ENO4: variants seen among roughly 807,000 people sequenced by gnomAD.
ENO4 encodes enolase 4.
A neutral mutation model predicts 63.2 loss-of-function variants in ENO4; 53 were observed. That is an observed-to-expected ratio of 0.84 (90% CI 0.67 to 1.05). ENO4 has a LOEUF of 1.05. Among genes scored for constraint, ENO4 ranks in the 50% least tolerant of loss-of-function variants. The pLI, the probability that ENO4 is intolerant of heterozygous loss-of-function variation, is 0.00. For missense variants in ENO4, 719 were observed against 772.0 expected, an observed-to-expected ratio of 0.93 and a Z score of 0.81; for synonymous variants, 266 against 283.8, an observed-to-expected ratio of 0.94 and a Z score of 0.63.
At chr10:116,874,831 C>A (rs189801210) in intron 10 of ENO4, among the ~76,000 whole-genome samples, 230 of 152,238 alleles carry the variant, frequency 1.5e-3, no homozygotes, top group African/African-American at 5.1e-3. Context: ...CACCACCACA[C>A]CCAGCTAAAT....
chr10:116,865,931 G>A (rs1307456717), intron 7 of ENO4, among the ~76,000 whole-genome samples: 3 of 152,110 alleles, frequency 2.0e-5, no homozygotes, highest in African/African-American at 7.2e-5. Flanking sequence ...CATCCTGAGT[G>A]CTTTAATACT....
chr10:116,892,398 A>G (rs1847365929), intron 10 of ENO4, among the ~76,000 whole-genome samples: 1 of 152,208 alleles, frequency 6.6e-6, no homozygotes, highest in Non-Finnish European at 1.5e-5. Flanking sequence ...TCATTTTCTT[A>G]AGCTTCGTTT....
In ENO4 at chr10:116,868,539, ACG is replaced by A. The variant is rs372074599; in HGVS notation, c.991-110_991-109del. 934 of 857,302 alleles carry A rather than the reference ACG, an allele frequency of 1.1e-3. 5 individuals carry two copies. In the African/African-American group the frequency reaches 0.014, roughly 13 times the overall value. The allele number at this position is 857,302 out of a possible 1,614,324, so 53.1% of individuals were successfully genotyped here. A position where few individuals can be genotyped will look rare whatever the true frequency, so the allele number is the denominator to read the frequency against. On this transcript the variant is annotated intron_variant, in intron 7 of 13. Coordinates refer to ENST00000341276, the MANE Select transcript of ENO4 (RefSeq NM_001242699.2). Reference sequence around the variant, plus strand: ...CGTGTGTGTGCGTGTATGTGTGCACACGTGTGTGAGATTCAGTGTTGCTGGTC... The same window carrying A: ...CGTGTGTGTGCGTGTATGTGTGCACATGTGTGAGATTCAGTGTTGCTGGTC...
chr10:116,888,198 G>A (rs1033637611), intron 10 of ENO4, among the ~76,000 whole-genome samples: 1 of 152,142 alleles, frequency 6.6e-6, no homozygotes. Context: ...GCCTGATTAT[G>A]GCACCATGAC....
At chr10:116,886,793 C>T (rs1015508438), downstream of ENO4, among the ~76,000 whole-genome samples, 4 of 152,168 alleles carry the variant, frequency 2.6e-5, no homozygotes, top group Admixed American at 6.5e-5. Flanking sequence ...AGAGAAAGAG[C>T]GATTAACTAC....
chr10:116,873,999 G>A (rs934647097), intron 9 of ENO4, 77 bp from the exon 10 acceptor site: 17 of 1,430,302 alleles, frequency 1.2e-5, no homozygotes, highest in Admixed American at 2.2e-5. Context: ...GAACGAAAAC[G>A]AATCTGAACC....
At chr10:116,870,174 T>G (rs1202032644) in intron 8 of ENO4, among the ~76,000 whole-genome samples, 2 of 152,198 alleles carry the variant, frequency 1.3e-5, no homozygotes, top group East Asian at 3.9e-4. Context: ...TTGAGTTTGG[T>G]GCACACACAC....
chr10:116,852,375 A>G (rs1283115708), intron 1 of ENO4, among the ~76,000 whole-genome samples: 1 of 152,228 alleles, frequency 6.6e-6, no homozygotes. Context: ...CAATAACAAT[A>G]CAATTTATTC....
In ENO4 at chr10:116,879,045, C is replaced by A. The variant is rs139260132; in HGVS notation, c.1538-246C>A. ...GGAGTGAGCCACCGTGCCCAGCCAT[C>A]ATGTATCTTAATTTTAATGAAACAC... On this transcript the variant is annotated intron_variant, in intron 11 of 13. Coordinates refer to ENST00000341276, the MANE Select transcript of ENO4 (RefSeq NM_001242699.2). 2.5e-4 allele frequency among the ~76,000 whole-genome samples: 38 copies of A among 152,142 alleles called. No individual in the cohort carries two copies. The East Asian group carries it at 7.4e-3, about 29-fold the overall frequency.
chr10:116,887,733 C>T (rs780410405), intron 10 of ENO4, among the ~76,000 whole-genome samples: 1 of 152,194 alleles, frequency 6.6e-6, no homozygotes, highest in Non-Finnish European at 1.5e-5. Flanking sequence ...GAGGCAGGGA[C>T]TGTTTAGCTT....
At chr10:116,863,248 C>T (rs942234620) in intron 7 of ENO4, among the ~76,000 whole-genome samples, 6 of 152,068 alleles carry the variant, frequency 3.9e-5, no homozygotes, top group African/African-American at 7.2e-5. Flanking sequence ...CAGTCACAGA[C>T]GCAGGCGTAT....
intron 10 of ENO4, chr10:116,901,975 A>C: frequency 6.4e-7 from 1 of 1,563,978 alleles, no homozygotes; most frequent in Non-Finnish European, 8.6e-7. Flanking sequence ...CCAAACACAT[A>C]CCTCAAGTTT....
chr10:116,855,387 C>T (rs1616412), intron 1 of ENO4, among the ~76,000 whole-genome samples: 151,865 of 152,192 alleles, frequency 1, 75,770 homozygotes, highest in Non-Finnish European at 1. Context: ...AATTGCCCCA[C>T]ATACCAGAGA....
intron 10 of ENO4, among the ~76,000 whole-genome samples, chr10:116,906,308 C>A (rs910470176): frequency 3.3e-5 from 5 of 152,224 alleles, no homozygotes; most frequent in African/African-American, 1.2e-4. Flanking sequence ...GGTGGTCTGG[C>A]TCCAGAGCCT....
rs1846340778 is a variant in ENO4 at position 116,858,992 on chromosome 10, T to C, written c.488T>C (p.Ile163Thr). Reference sequence around the variant, plus strand: ...AGCCATATTTTCTTGCTATTAAGGATATTCTTCGCAAGTAAAGTACAAGAA... The same window carrying C: ...AGCCATATTTTCTTGCTATTAAGGACATTCTTCGCAAGTAAAGTACAAGAA... Reference protein sequence around the residue: ...DQAEVDHLLRIFFASKVQEDK... With the variant: ...DQAEVDHLLRTFFASKVQEDK... Residue 163 changes from isoleucine (I) to threonine (T), a missense_variant and splice_region_variant, in exon 4 of 14, where the codon ATA becomes ACA. Ile to Thr is a moderately conservative substitution (Grantham distance 89). Coordinates refer to ENST00000341276, the MANE Select transcript of ENO4 (RefSeq NM_001242699.2). 6.5e-7 allele frequency: 1 copy of C among 1,531,834 alleles called. No homozygotes were observed. Among genetic ancestry groups the C allele is most frequent in the Non-Finnish European group, 8.7e-7 (1 of 1,143,684 alleles). The allele number at this position is 1,531,834 out of a possible 1,614,324, so 94.9% of individuals were successfully genotyped here.
Position 116,860,973 on chromosome 10 carries a change from T to C in ENO4, c.804+10T>C. 1 of 1,535,718 alleles carries C rather than the reference T, an allele frequency of 6.5e-7. No individual in the cohort carries two copies. The highest frequency in any genetic ancestry group is 8.8e-7 in the Non-Finnish European group (1 of 1,136,734). ...ACTGAAGCACAATCAGGTTAGTATCTATGAAGTTCCATTAAAAGGAGCCAT... is the reference window on the plus strand; with the variant it reads ...ACTGAAGCACAATCAGGTTAGTATCCATGAAGTTCCATTAAAAGGAGCCAT... On this transcript the variant is annotated intron_variant, in intron 5 of 13. Transcript: ENST00000341276.
At chr10:116,874,320 CT>C in intron 10 of ENO4, 119 bp downstream of exon 10, 2 of 960,832 alleles carry the variant, frequency 2.1e-6, no homozygotes, top group Non-Finnish European at 2.9e-6. Context: ...AGAATAAAAT[CT>C]CATTCTTTTG....
intron 10 of ENO4, among the ~76,000 whole-genome samples, chr10:116,902,275 T>C (rs957754951): frequency 3.3e-5 from 5 of 149,574 alleles, no homozygotes; most frequent in African/African-American, 1.2e-4. Flanking sequence ...TCATAGAGTA[T>C]GGCTTTCTGA....
intron 7 of ENO4, among the ~76,000 whole-genome samples, chr10:116,864,549 T>G (rs1249063142): frequency 6.6e-6 from 1 of 152,190 alleles, no homozygotes; most frequent in Non-Finnish European, 1.5e-5. Context: ...TTTAAATGTT[T>G]TATTTACTTT....
Sources: gnomAD v4.1 joint callset for allele counts (sites outside exome capture counted in the v4.1 genomes callset) on GRCh38, gnomAD v4.1.1 for gene constraint, MANE v1.5 for transcripts, NCBI Gene and HGNC (gene_info 2026-07-23, HGNC 2026-07-21) for gene names.